The following SPRYD4 variants were observed in gnomAD, a reference collection of about 807,000 sequenced individuals.
The protein encoded by SPRYD4 is SPRY domain-containing protein 4.
SPRYD4 carries 12 observed loss-of-function variants against 16.6 expected under a neutral mutation model. That is an observed-to-expected ratio of 0.72 (90% CI 0.46 to 1.17). The LOEUF (loss-of-function observed/expected upper bound fraction) is 1.17, where lower values mean the gene tolerates loss of function less well. SPRYD4 is among the 50% of genes most tolerant of loss of function. The pLI, the probability that SPRYD4 is intolerant of heterozygous loss-of-function variation, is 0.00. For synonymous variants in SPRYD4, 98 were observed against 105.4 expected (o/e 0.93, Z 0.43); for missense variants, 260 against 260.2 (o/e 1.00, Z 0.00).
At position 56,475,481 on chromosome 12, in the gene SPRYD4, G is replaced by T; in HGVS notation, c.*5904G>T. The stretch of plus-strand genomic sequence containing the variant: ...CAAGATAAACAAATGTTTATGAAGG[G>T]ACTCAGAGGAAGCTGGAGGGCCAAA... On this transcript the variant is annotated 3_prime_UTR_variant, in exon 2 of 2. Transcript: ENST00000338146. 2.5e-6 allele frequency: 2 copies of T among 792,378 alleles called. No individual in the cohort carries two copies. The highest frequency in any genetic ancestry group is 4.1e-6 in the Non-Finnish European group (2 of 491,064). The allele number at this position is 792,378 out of a possible 1,614,324, so 49.1% of individuals were successfully genotyped here.
rs183695999 is a variant in SPRYD4, at chr12:56,473,505, C to T, written c.*3928C>T. The T allele has an allele frequency of 6.2e-7, 1 of 1,613,950 alleles. No individual in the cohort carries two copies. Among genetic ancestry groups the T allele is most frequent in the Admixed American group, 1.7e-5 (1 of 60,010 alleles). ...CCCTATGGCTGTTCCCCAGCTTGTC[C>T]AATGGGGGTGACAGGCACATCATTC... On this transcript the variant is annotated 3_prime_UTR_variant, in exon 2 of 2. Transcript: ENST00000338146.
Position 56,476,023 on chromosome 12 carries a change from G to T in SPRYD4, c.*6446G>T. 2 of 1,589,432 alleles carry T rather than the reference G, an allele frequency of 1.3e-6. No individual in the cohort carries two copies. The highest frequency in any genetic ancestry group is 1.1e-5 in the South Asian group (1 of 90,464). On this transcript the variant is annotated 3_prime_UTR_variant, in exon 2 of 2. Coordinates refer to ENST00000338146, the MANE Select transcript of SPRYD4 (RefSeq NM_207344.4). ...GTCAGCATTCTAAGTGTAGGAGGAT[G>T]ACAGAGGGAAGGGTCAGAAGGATCT...
rs1869141430 is a variant in SPRYD4 at position 56,469,390 on chromosome 12, G to A, written c.437G>A (p.Gly146Glu). 1 of 1,614,000 alleles carries A rather than the reference G, an allele frequency of 6.2e-7. No homozygotes were observed. The highest frequency in any genetic ancestry group is 8.5e-7 in the Non-Finnish European group (1 of 1,180,024). Residue 146 changes from glycine to glutamate, a missense_variant, in exon 2 of 2, where the codon GGG becomes GAG. By Grantham distance (98) the Gly-to-Glu change is moderately conservative. Transcript: ENST00000338146. The part of the protein sequence containing the change: ...ANEKAPVEGI[G>E]QPEKVGLLLE... ...GAGAAAGCCCCAGTTGAGGGTATTG[G>A]GCAGCCAGAGAAGGTGGGGCTGTTG...
At position 56,478,081 on chromosome 12, in the gene SPRYD4, G is replaced by A; in HGVS notation, c.*8504G>A. On this transcript the variant is annotated 3_prime_UTR_variant, in exon 2 of 2. Coordinates refer to ENST00000338146, the MANE Select transcript of SPRYD4 (RefSeq NM_207344.4). ...ACTGCAGGCAGAAGGGGATCTTTGT[G>A]TGGCCCACAGAGTGCCTGGAGGCAG... 6.2e-7 allele frequency: 1 copy of A among 1,614,104 alleles called. No homozygotes were observed.
In SPRYD4 at chr12:56,475,802, G is replaced by T; in HGVS notation, c.*6225G>T. On this transcript the variant is annotated 3_prime_UTR_variant, in exon 2 of 2. Transcript: ENST00000338146. The stretch of plus-strand genomic sequence containing the variant: ...CAAGAGGCTTTCCTCTCTGAGGCCA[G>T]CAGATTTCCACATTTCTGGAAATAA... 7.2e-7 allele frequency: 1 copy of T among 1,390,768 alleles called. No individual in the cohort carries two copies. The allele number at this position is 1,390,768 out of a possible 1,614,324, so 86.2% of individuals were successfully genotyped here. A position where few individuals can be genotyped will look rare whatever the true frequency, so the allele number is the denominator to read the frequency against.
rs2136178508 is a variant in SPRYD4 at position 56,472,882 on chromosome 12, ATTC to A, written c.*3308_*3310del. On this transcript the variant is annotated 3_prime_UTR_variant, in exon 2 of 2. Transcript: ENST00000338146. ...GTTATGGAATGTGCTACTCTGAAAT[ATTC>A]TTTTTTTTTTTTTTTTTTTTGAGAC... 2 of 544,646 alleles carry A rather than the reference ATTC, an allele frequency of 3.7e-6. No homozygotes were observed. Among genetic ancestry groups the A allele is most frequent in the Non-Finnish European group, 3.1e-6 (1 of 323,122 alleles). 33.7% of individuals were successfully genotyped at this position (544,646 alleles called of 1,614,324 possible). A position where few individuals can be genotyped will look rare whatever the true frequency, so the allele number is the denominator to read the frequency against.
At position 56,474,753 on chromosome 12, in the gene SPRYD4, G is replaced by T; in HGVS notation, c.*5176G>T. ...AACAAAGAATAGGTGAAGATGTGACGTGAACCTGCACATGGGACCCTCGGG... is the reference window on the plus strand; with the variant it reads ...AACAAAGAATAGGTGAAGATGTGACTTGAACCTGCACATGGGACCCTCGGG... On this transcript the variant is annotated 3_prime_UTR_variant, in exon 2 of 2. Transcript: ENST00000338146. 1.9e-6 allele frequency: 3 copies of T among 1,610,424 alleles called. No homozygotes were observed. Among genetic ancestry groups the T allele is most frequent in the Non-Finnish European group, 2.5e-6 (3 of 1,177,580 alleles).
In SPRYD4 at chr12:56,479,313, G is replaced by T; in HGVS notation, c.*9736G>T. On this transcript the variant is annotated 3_prime_UTR_variant, in exon 2 of 2. Coordinates refer to ENST00000338146, the MANE Select transcript of SPRYD4 (RefSeq NM_207344.4). ...GGGATCAACAGCTCTGTTACCTTTGGCAAATCAGTTTACCTTTCTAGGTCT... is the reference window on the plus strand; with the variant it reads ...GGGATCAACAGCTCTGTTACCTTTGTCAAATCAGTTTACCTTTCTAGGTCT... 8.7e-7 allele frequency: 1 copy of T among 1,154,488 alleles called. No individual in the cohort carries two copies. The highest frequency in any genetic ancestry group is 1.2e-6 in the Non-Finnish European group (1 of 848,326). 71.5% of individuals were successfully genotyped at this position (1,154,488 alleles called of 1,614,324 possible). A position where few individuals can be genotyped will look rare whatever the true frequency, so the allele number is the denominator to read the frequency against.
In SPRYD4 at chr12:56,479,413, A is replaced by G. The variant is rs925970711; in HGVS notation, c.*9836A>G. 2.5e-5 allele frequency: 12 copies of G among 489,544 alleles called. No individual in the cohort carries two copies. Among genetic ancestry groups the G allele is most frequent in the Non-Finnish European group, 4.2e-5 (12 of 284,554 alleles). The allele number at this position is 489,544 out of a possible 1,614,324, so 30.3% of individuals were successfully genotyped here. A position where few individuals can be genotyped will look rare whatever the true frequency, so the allele number is the denominator to read the frequency against. On this transcript the variant is annotated 3_prime_UTR_variant, in exon 2 of 2. Transcript: ENST00000338146. ...TATGTCTTGGGATATGAGAAAAAAA[A>G]TAAATACCAGAATAATATGTATGTA...
chr12:56,472,412 C>T lies in SPRYD4; in HGVS notation c.*2835C>T. The T allele has an allele frequency of 1.6e-6, 1 of 607,316 alleles. No individual in the cohort carries two copies. Among genetic ancestry groups the T allele is most frequent in the Non-Finnish European group, 2.9e-6 (1 of 344,660 alleles). 37.6% of individuals were successfully genotyped at this position (607,316 alleles called of 1,614,324 possible). Reference sequence around the variant, plus strand: ...GTGATCCTTCCAGAAATATCACTCACTGCCTACCTGTGGTAAGTGCCCATT... The same window carrying T: ...GTGATCCTTCCAGAAATATCACTCATTGCCTACCTGTGGTAAGTGCCCATT... On this transcript the variant is annotated 3_prime_UTR_variant, in exon 2 of 2. Coordinates refer to ENST00000338146, the MANE Select transcript of SPRYD4 (RefSeq NM_207344.4).
At position 56,468,587 on chromosome 12, in the gene SPRYD4, G is replaced by A; in HGVS notation, c.-5G>A. 1 of 1,612,864 alleles carries A rather than the reference G, an allele frequency of 6.2e-7. No homozygotes were observed. Among genetic ancestry groups the A allele is most frequent in the Non-Finnish European group, 8.5e-7 (1 of 1,179,834 alleles). On this transcript the variant is annotated 5_prime_UTR_variant, in exon 1 of 2. Transcript: ENST00000338146. ...GAGGCGTGCCCGGTTCATCCAAGGC[G>A]CAAGATGGCGCTGCTTTTTGCACGT...
At position 56,468,655 on chromosome 12, in the gene SPRYD4, G is replaced by T. The variant is rs373329154; in HGVS notation, c.64G>T (p.Ala22Ser). 5 of 1,613,992 alleles carry T rather than the reference G, an allele frequency of 3.1e-6. No individual in the cohort carries two copies. The African/African-American group carries it at 6.7e-5, about 22-fold the overall frequency. Residue 22 changes from alanine to serine, a missense_variant, in exon 1 of 2, where the codon GCC becomes TCC. Coordinates refer to ENST00000338146, the MANE Select transcript of SPRYD4 (RefSeq NM_207344.4). ...CRWGAKRLGV[A>S]STEAQRGVSF... is the part of the protein sequence containing the mutation. ...CTGGGGAGCCAAACGATTGGGAGTT[G>T]CCTCCACAGAGGCCCAGAGAGGTAG...
chr12:56,474,857 G>A lies in SPRYD4; in HGVS notation c.*5280G>A, dbSNP rs894671458. ...CAGTGTTTTCTTACCTGGAAGTAGA[G>A]ATCAAGGGCAGCCATCATGTCCACC... On this transcript the variant is annotated 3_prime_UTR_variant, in exon 2 of 2. Coordinates refer to ENST00000338146, the MANE Select transcript of SPRYD4 (RefSeq NM_207344.4). The A allele has an allele frequency of 6.2e-7, 1 of 1,614,188 alleles. No individual in the cohort carries two copies. Among genetic ancestry groups the A allele is most frequent in the Middle Eastern group, 1.7e-4 (1 of 6,058 alleles).
At position 56,472,036 on chromosome 12, in the gene SPRYD4, G is replaced by C. The variant is rs929748960; in HGVS notation, c.*2459G>C. On this transcript the variant is annotated 3_prime_UTR_variant, in exon 2 of 2. Transcript: ENST00000338146. ...TAGTTGCTGCCCCTATAACCTTGAG[G>C]GCACATATAATGAAGGTACTTTTGG... 1 of 1,470,948 alleles carries C rather than the reference G, an allele frequency of 6.8e-7. No individual in the cohort carries two copies. The highest frequency in any genetic ancestry group is 9.5e-7 in the Non-Finnish European group (1 of 1,056,658). The allele number at this position is 1,470,948 out of a possible 1,614,324, so 91.1% of individuals were successfully genotyped here. A position where few individuals can be genotyped will look rare whatever the true frequency, so the allele number is the denominator to read the frequency against.
At position 56,479,142 on chromosome 12, in the gene SPRYD4, G is replaced by T; in HGVS notation, c.*9565G>T. The T allele has an allele frequency of 6.2e-7, 1 of 1,613,966 alleles. No homozygotes were observed. The highest frequency in any genetic ancestry group is 8.5e-7 in the Non-Finnish European group (1 of 1,180,010). ...AATCAGGAATGACAAACTTCTTTCG[G>T]AATGCCTGGGTCAGGAGCACAATGT... is the stretch of plus-strand genomic sequence containing the variant. On this transcript the variant is annotated 3_prime_UTR_variant, in exon 2 of 2. Transcript: ENST00000338146.
In SPRYD4 at chr12:56,477,664, A is replaced by G. The variant is rs762659600; in HGVS notation, c.*8087A>G. 1 of 1,613,430 alleles carries G rather than the reference A, an allele frequency of 6.2e-7. No individual in the cohort carries two copies. Among genetic ancestry groups the G allele is most frequent in the Non-Finnish European group, 8.5e-7 (1 of 1,179,750 alleles). On this transcript the variant is annotated 3_prime_UTR_variant, in exon 2 of 2. Coordinates refer to ENST00000338146, the MANE Select transcript of SPRYD4 (RefSeq NM_207344.4). ...GAAGGTTAAGGTGGCACTGACCTTG[A>G]TCAGGGAGCTGACAACAATGGCACC...
Position 56,471,497 on chromosome 12 carries a change from C to T in SPRYD4, c.*1920C>T. 1 of 1,613,032 alleles carries T rather than the reference C, an allele frequency of 6.2e-7. No individual in the cohort carries two copies. The highest frequency in any genetic ancestry group is 8.5e-7 in the Non-Finnish European group (1 of 1,179,482). On this transcript the variant is annotated 3_prime_UTR_variant, in exon 2 of 2. Coordinates refer to ENST00000338146, the MANE Select transcript of SPRYD4 (RefSeq NM_207344.4). ...GTCCATGACCTGTGCTCATACCATG[C>T]TTTCTAAGTTCTCTTTGGACAGGGC...
Position 56,476,051 on chromosome 12 carries a change from T to C in SPRYD4, c.*6474T>C. ...AGAGGGAAGGGTCAGAAGGATCTAGTGGAGTTCTAGTGTTAGTCTGGTCCT... is the reference window on the plus strand; with the variant it reads ...AGAGGGAAGGGTCAGAAGGATCTAGCGGAGTTCTAGTGTTAGTCTGGTCCT... On this transcript the variant is annotated 3_prime_UTR_variant, in exon 2 of 2. Transcript: ENST00000338146. 1 of 1,455,382 alleles carries C rather than the reference T, an allele frequency of 6.9e-7. No homozygotes were observed. Among genetic ancestry groups the C allele is most frequent in the Non-Finnish European group, 9.6e-7 (1 of 1,046,878 alleles). The allele number at this position is 1,455,382 out of a possible 1,614,324, so 90.2% of individuals were successfully genotyped here.
chr12:56,474,518 G>A lies in SPRYD4; in HGVS notation c.*4941G>A. The A allele has an allele frequency of 6.2e-7, 1 of 1,612,626 alleles. No homozygotes were observed. The highest frequency in any genetic ancestry group is 1.3e-5 in the African/African-American group (1 of 75,040). On this transcript the variant is annotated 3_prime_UTR_variant, in exon 2 of 2. Transcript: ENST00000338146. ...TCTTCTTAGCACTGGGCTCATGACAGATGGATAGCAGAGCCAGAAACTCAC... is the reference window on the plus strand; with the variant it reads ...TCTTCTTAGCACTGGGCTCATGACAAATGGATAGCAGAGCCAGAAACTCAC...
Sources: gnomAD v4.1 joint callset for allele counts on GRCh38, gnomAD v4.1.1 for gene constraint, MANE v1.5 for transcripts, NCBI Gene and HGNC (gene_info 2026-07-23, HGNC 2026-07-21) for gene names.